Variants in DLG2 observed in about 807,000 individuals in gnomAD.
DLG2 encodes the protein disks large homolog 2.
DLG2 carries 45 observed loss-of-function variants against 132.5 expected under a neutral mutation model. That is an observed-to-expected ratio of 0.34 (90% CI 0.27 to 0.44). The LOEUF (loss-of-function observed/expected upper bound fraction) is 0.44. Ranked by LOEUF, DLG2 falls within the 20% of genes least tolerant of loss-of-function variation. The pLI, the probability that DLG2 is intolerant of heterozygous loss-of-function variation, is 1.00. For synonymous variants in DLG2, 424 were observed against 419.6 expected (o/e 1.01, Z -0.13); for missense variants, 1,045 against 1,196.9 (o/e 0.87, Z 1.87).
intron 17 of DLG2, among the ~76,000 whole-genome samples, chr11:83,797,754 G>C (rs1198540248): frequency 2.6e-5 from 4 of 152,072 alleles, no homozygotes; most frequent in African/African-American, 9.7e-5. Context: ...TCCTGACCTT[G>C]TGATCCGCCC....
rs1422695867 is a variant in DLG2 at position 83,458,089 on chromosome 11, C to G, written c.*1729G>C. 2 of 152,618 alleles carry G rather than the reference C, an allele frequency of 1.3e-5. No homozygotes were observed. Among genetic ancestry groups the G allele is most frequent in the Non-Finnish European group, 2.9e-5 (2 of 68,066 alleles). 9.5% of individuals were successfully genotyped at this position (152,618 alleles called of 1,614,324 possible). ...CTTGCTCTCCTACCCAGCCTACATG[C>G]TGGTTTGCTGCACAGTGTGGCAGAA... On this transcript the variant is annotated 3_prime_UTR_variant, in exon 28 of 28. Transcript: ENST00000376104.
intron 7 of DLG2, among the ~76,000 whole-genome samples, chr11:84,389,128 T>G (rs1408537405): frequency 6.6e-6 from 1 of 152,152 alleles, no homozygotes; most frequent in African/African-American, 2.4e-5. Flanking sequence ...GGAGGATTAA[T>G]TTGAAAAGAA....
intron 3 of DLG2, among the ~76,000 whole-genome samples, chr11:85,323,575 G>A (rs1305771605): frequency 6.6e-6 from 1 of 152,094 alleles, no homozygotes; most frequent in Non-Finnish European, 1.5e-5. Context: ...TCACTCTACT[G>A]TGCTATCAAA....
chr11:84,914,568 C>A (rs191048665), intron 6 of DLG2, among the ~76,000 whole-genome samples: 1 of 152,210 alleles, frequency 6.6e-6, no homozygotes, highest in Non-Finnish European at 1.5e-5. Context: ...CATAAGAATT[C>A]TTCTGGTCCC....
chr11:85,356,377 TA>T (rs2083692966), intron 3 of DLG2, among the ~76,000 whole-genome samples: 1 of 152,150 alleles, frequency 6.6e-6, no homozygotes, highest in African/African-American at 2.4e-5. Flanking sequence ...CTTTTTTTTT[TA>T]CATAATGATG....
At chr11:84,113,788 C>A (rs528398844) in intron 9 of DLG2, among the ~76,000 whole-genome samples, 1 of 151,972 alleles carries the variant, frequency 6.6e-6, no homozygotes, top group Non-Finnish European at 1.5e-5. Context: ...GATAGATGAA[C>A]GAATTTTAAT....
chr11:84,770,209 T>A (rs1305951631), intron 6 of DLG2, among the ~76,000 whole-genome samples: 1 of 152,142 alleles, frequency 6.6e-6, no homozygotes, highest in Non-Finnish European at 1.5e-5. Flanking sequence ...CCTTCTCCCA[T>A]GAGTAAAAGT....
chr11:84,346,296 C>T (rs1317400784), intron 7 of DLG2, among the ~76,000 whole-genome samples: 1 of 152,132 alleles, frequency 6.6e-6, no homozygotes, highest in Admixed American at 6.5e-5. Flanking sequence ...ATTTATAGGT[C>T]TTCCCTTCAC....
At chr11:85,007,664 CAAAAAAAAAAAA>C (rs57188165) in intron 6 of DLG2, among the ~76,000 whole-genome samples, 3 of 88,534 alleles carry the variant, frequency 3.4e-5, no homozygotes, top group Non-Finnish European at 4.4e-5. Context: ...GACTCCGTCT[CAAAAAAAAAAAA>C]AAAAAAAAAA....
At chr11:85,623,555 G>A (rs765728399) in intron 2 of DLG2, among the ~76,000 whole-genome samples, 1 of 152,004 alleles carries the variant, frequency 6.6e-6, no homozygotes, top group African/African-American at 2.4e-5. Flanking sequence ...CGCCCGCCTC[G>A]GCCTCCCAAA....
chr11:84,548,273 T>C (rs2099394393), intron 6 of DLG2, among the ~76,000 whole-genome samples: 1 of 152,160 alleles, frequency 6.6e-6, no homozygotes, highest in South Asian at 2.1e-4. Context: ...AAGTATTCTT[T>C]TTTTTTTAAT....
intron 11 of DLG2, among the ~76,000 whole-genome samples, chr11:84,038,487 T>C (rs986651246): frequency 6.6e-6 from 1 of 151,914 alleles, no homozygotes; most frequent in African/African-American, 2.4e-5. Flanking sequence ...ATAAAAACTT[T>C]GTGTTTTTTT....
rs117566651 is a variant in DLG2 at position 85,503,253 on chromosome 11, G to T, written c.40+95404C>A. Among the ~76,000 whole-genome samples the T allele has an allele frequency of 9.8e-4, 149 of 152,146 alleles. No individual in the cohort carries two copies. In the East Asian group the frequency reaches 0.025, roughly 25 times the overall value. Reference sequence around the variant, plus strand: ...TAAGGTTAAGTTTTAAAAGACTGAAGGAAAATACTTTTCTTGACACTTCTT... The same window carrying T: ...TAAGGTTAAGTTTTAAAAGACTGAATGAAAATACTTTTCTTGACACTTCTT... On this transcript the variant is annotated intron_variant, in intron 3 of 27. Coordinates refer to ENST00000376104, the MANE Select transcript of DLG2 (RefSeq NM_001142699.3).
At chr11:85,036,940 G>A (rs1411572003) in intron 6 of DLG2, among the ~76,000 whole-genome samples, 1 of 152,160 alleles carries the variant, frequency 6.6e-6, no homozygotes, top group Non-Finnish European at 1.5e-5. Flanking sequence ...AACTCCACAA[G>A]GATTTTTCTC....
chr11:85,483,523 C>A (rs1324548913), intron 3 of DLG2, among the ~76,000 whole-genome samples: 1 of 151,940 alleles, frequency 6.6e-6, no homozygotes, highest in African/African-American at 2.4e-5. Flanking sequence ...ATAAGTAACG[C>A]AAAAACAACT....
rs1165790108 is a variant in DLG2, at chr11:84,430,538, AT to A, written c.519+104031del. Among the ~76,000 whole-genome samples the A allele has an allele frequency of 4.6e-5, 7 of 152,240 alleles. No individual in the cohort carries two copies. In the East Asian group the frequency reaches 1.3e-3, roughly 29 times the overall value. Reference sequence around the variant, plus strand: ...AATTAAATGAGATGGTATGTGTAAAATACATGTAATAATGCTCGAGTAAACT... The same window carrying A: ...AATTAAATGAGATGGTATGTGTAAAAACATGTAATAATGCTCGAGTAAACT... On this transcript the variant is annotated intron_variant, in intron 7 of 27. Coordinates refer to ENST00000376104, the MANE Select transcript of DLG2 (RefSeq NM_001142699.3).
chr11:83,471,562 A>G (rs762132720), intron 24 of DLG2, 64 bp downstream of exon 24: 52 of 1,189,664 alleles, frequency 4.4e-5, no homozygotes, highest in Admixed American at 4.0e-4. Flanking sequence ...ATTACATTTT[A>G]CCATCTCATA....
intron 7 of DLG2, among the ~76,000 whole-genome samples, chr11:84,371,096 A>C (rs796936736): frequency 8.5e-5 from 13 of 152,214 alleles, no homozygotes; most frequent in African/African-American, 3.1e-4. Flanking sequence ...GATGTGAATA[A>C]TGTTTCTACT....
chr11:84,846,835 C>T (rs1029284758), intron 6 of DLG2, among the ~76,000 whole-genome samples: 4 of 152,056 alleles, frequency 2.6e-5, no homozygotes, highest in African/African-American at 9.7e-5. Context: ...AAGAATTATG[C>T]CACTATTTAA....
Sources: gnomAD v4.1 joint callset for allele counts (sites outside exome capture counted in the v4.1 genomes callset) on GRCh38, gnomAD v4.1.1 for gene constraint, MANE v1.5 for transcripts, NCBI Gene and HGNC (gene_info 2026-07-23, HGNC 2026-07-21) for gene names.